Variants in NAV2 observed in about 807,000 individuals in gnomAD.
NAV2 encodes helicase, APC down-regulated 1.
NAV2 carries 54 observed loss-of-function variants against 223.2 expected under a neutral mutation model. The observed-to-expected ratio is 0.24, with a 90% CI of 0.19 to 0.30. The LOEUF is 0.30. Among genes scored for constraint, NAV2 ranks in the 10% least tolerant of loss-of-function variants. The pLI, the probability that NAV2 is intolerant of heterozygous loss-of-function variation, is 1.00. For missense variants in NAV2, 2,806 were observed against 3,147.5 expected, an observed-to-expected ratio of 0.89 and a Z score of 2.60; for synonymous variants, 1,279 against 1,239.3, an observed-to-expected ratio of 1.03 and a Z score of -0.67.
At chr11:19,938,866 A>G (rs1591332443) in intron 7 of NAV2, among the ~76,000 whole-genome samples, 1 of 152,244 alleles carries the variant, frequency 6.6e-6, no homozygotes, top group East Asian at 1.9e-4. Context: ...ATTCTGGGCA[A>G]ACGTTTTCTT....
intron 1 of NAV2, among the ~76,000 whole-genome samples, chr11:19,774,111 C>A (rs1348311233): frequency 6.6e-6 from 1 of 152,186 alleles, no homozygotes; most frequent in Non-Finnish European, 1.5e-5. Context: ...CTTGTCAAAC[C>A]TGCCAGAAGC....
chr11:19,608,593 A>G (rs531875459), intron 1 of NAV2, among the ~76,000 whole-genome samples: 4 of 152,382 alleles, frequency 2.6e-5, no homozygotes, highest in African/African-American at 9.6e-5. Context: ...AGATAGCCAT[A>G]TGCCATATGG....
At position 20,119,996 on chromosome 11, in the gene NAV2, C is replaced by T. The variant is rs1025626227; in HGVS notation, c.*1738C>T. The T allele has an allele frequency of 2.7e-4, 41 of 152,272 alleles. No individual in the cohort carries two copies. Among genetic ancestry groups the T allele is most frequent in the African/African-American group, 9.4e-4 (39 of 41,558 alleles). The allele number at this position is 152,272 out of a possible 1,614,324, so 9.4% of individuals were successfully genotyped here. ...TGTGTCTTCAACATACTGGTATTTT[C>T]ATTACAAAGTATGGTAAATTTTTGA... On this transcript the variant is annotated 3_prime_UTR_variant, in exon 38 of 38. Coordinates refer to ENST00000349880, the MANE Select transcript of NAV2 (RefSeq NM_145117.5).
intron 34 of NAV2, chr11:20,105,243 C>T: frequency 3.3e-6 from 1 of 299,152 alleles, no homozygotes. Flanking sequence ...CATCTTAGCT[C>T]TTCAATTAAC....
chr11:19,795,895 A>G (rs924034010), intron 1 of NAV2, among the ~76,000 whole-genome samples: 1 of 152,198 alleles, frequency 6.6e-6, no homozygotes, highest in Non-Finnish European at 1.5e-5. Flanking sequence ...TAGGCAATAT[A>G]TACTTTCATT....
chr11:19,969,806 C>T (rs1411131304), intron 10 of NAV2, among the ~76,000 whole-genome samples: 3 of 151,614 alleles, frequency 2.0e-5, no homozygotes, highest in African/African-American at 7.3e-5. Context: ...ATTAGCCAGG[C>T]GTGGTGGCAG....
At chr11:19,527,280 T>C (rs953188405) in intron 1 of NAV2, among the ~76,000 whole-genome samples, 1 of 152,236 alleles carries the variant, frequency 6.6e-6, no homozygotes, top group African/African-American at 2.4e-5. Flanking sequence ...CTCTGTAGTC[T>C]GCTGCCATGT....
chr11:20,065,018 G>T (rs1329567053), intron 20 of NAV2, among the ~76,000 whole-genome samples: 5 of 152,046 alleles, frequency 3.3e-5, no homozygotes, highest in Non-Finnish European at 7.4e-5. Flanking sequence ...GAGAATATAG[G>T]TTGCTTTTGC....
chr11:19,811,347 C>T (rs1428931537), intron 1 of NAV2, among the ~76,000 whole-genome samples: 1 of 152,068 alleles, frequency 6.6e-6, no homozygotes, highest in Non-Finnish European at 1.5e-5. Flanking sequence ...TTTAGAGTGT[C>T]ACCCAGGCCT....
At chr11:19,473,336 C>T (rs1163545604) in intron 1 of NAV2, among the ~76,000 whole-genome samples, 1 of 150,662 alleles carries the variant, frequency 6.6e-6, no homozygotes, top group East Asian at 1.9e-4. Context: ...TTTCCATGCT[C>T]ATACTCTGCA....
chr11:20,003,881 G>T (rs1448760953), intron 11 of NAV2, among the ~76,000 whole-genome samples: 1 of 152,174 alleles, frequency 6.6e-6, no homozygotes, highest in Non-Finnish European at 1.5e-5. Context: ...CAGCCATTCT[G>T]TTCATTGGAT....
At chr11:19,355,102 CG>C (rs1294831707) in intron 1 of NAV2, among the ~76,000 whole-genome samples, 2 of 152,114 alleles carry the variant, frequency 1.3e-5, no homozygotes, top group Non-Finnish European at 2.9e-5. Context: ...CATAGATTGG[CG>C]AAGTAAAATT....
At chr11:19,468,217 C>T (rs959965881) in intron 1 of NAV2, among the ~76,000 whole-genome samples, 14 of 152,174 alleles carry the variant, frequency 9.2e-5, no homozygotes, top group African/African-American at 3.4e-4. Context: ...TCAGTTTTCT[C>T]ATCTGTAAAA....
chr11:19,355,183 G>T (rs755318074), intron 1 of NAV2, among the ~76,000 whole-genome samples: 2 of 151,670 alleles, frequency 1.3e-5, no homozygotes, highest in Non-Finnish European at 2.9e-5. Context: ...CTCTTCTTTA[G>T]AAGTTTGTCC....
At chr11:19,931,397 C>T (rs953002243) in intron 6 of NAV2, among the ~76,000 whole-genome samples, 7 of 152,154 alleles carry the variant, frequency 4.6e-5, no homozygotes, top group African/African-American at 7.2e-5. Context: ...CTTTGGATCA[C>T]CCTGGAGCTG....
chr11:19,445,156 T>C (rs1224690405), intron 1 of NAV2, among the ~76,000 whole-genome samples: 1 of 152,190 alleles, frequency 6.6e-6, no homozygotes, highest in Non-Finnish European at 1.5e-5. Context: ...GAGAACATGG[T>C]GCACAGGTGC....
intron 1 of NAV2, among the ~76,000 whole-genome samples, chr11:19,498,915 C>T (rs1005168190): frequency 3.5e-4 from 54 of 152,132 alleles, no homozygotes; most frequent in African/African-American, 1.3e-3. Flanking sequence ...AGCTTTTCTC[C>T]CAAGGTTTGT....
intron 1 of NAV2, among the ~76,000 whole-genome samples, chr11:19,796,712 C>T (rs1476676490): frequency 6.6e-6 from 1 of 152,174 alleles, no homozygotes; most frequent in Middle Eastern, 3.2e-3. Context: ...CCATCTCTGA[C>T]TTTTTCTCAT....
chr11:20,027,528 G>A, intron 11 of NAV2: 6 of 921,008 alleles, frequency 6.5e-6, no homozygotes, highest in Non-Finnish European at 7.8e-6. Flanking sequence ...CTGGAAAGAG[G>A]CAGACAGAGG....
Sources: allele counts gnomAD v4.1 joint callset (sites outside exome capture counted in the v4.1 genomes callset), GRCh38; gene constraint gnomAD v4.1.1; transcripts MANE v1.5; gene names NCBI Gene and HGNC (gene_info 2026-07-23, HGNC 2026-07-21).